The following DUSP16 variants were observed in gnomAD, a reference collection of about 807,000 sequenced individuals.
The protein encoded by DUSP16 is dual specificity phosphatase 16.
Under a neutral mutation model 58.3 loss-of-function variants are expected in DUSP16, and 21 were observed. That is an observed-to-expected ratio of 0.36 (90% CI 0.26 to 0.52). DUSP16 has a LOEUF of 0.52. Among genes scored for constraint, DUSP16 ranks in the 20% least tolerant of loss-of-function variants. The pLI is 0.94. For missense variants in DUSP16, 726 were observed against 819.0 expected (o/e 0.89, Z 1.39); for synonymous variants, 320 against 323.8 (o/e 0.99, Z 0.12).
At chr12:12,506,797 T>C (rs913190541) in intron 3 of DUSP16, among the ~76,000 whole-genome samples, 2 of 152,232 alleles carry the variant, frequency 1.3e-5, no homozygotes, top group African/African-American at 4.8e-5. Flanking sequence ...CAGACCGCAA[T>C]GCTAAAACCC....
intron 1 of DUSP16, among the ~76,000 whole-genome samples, chr12:12,556,849 G>A (rs1249437354): frequency 6.6e-6 from 1 of 152,148 alleles, no homozygotes; most frequent in Non-Finnish European, 1.5e-5. Flanking sequence ...ATGCCATAGG[G>A]ACAAGAGTTG....
chr12:12,560,867 G>C (rs1194496846), intron 1 of DUSP16: 1 of 150,230 alleles, frequency 6.7e-6, no homozygotes, highest in Non-Finnish European at 1.5e-5. Flanking sequence ...CCCATAAGGT[G>C]AGTGGCATAA....
At chr12:12,553,538 T>C (rs934294110) in intron 1 of DUSP16, among the ~76,000 whole-genome samples, 1 of 152,154 alleles carries the variant, frequency 6.6e-6, no homozygotes, top group Non-Finnish European at 1.5e-5. Context: ...ACACTTCTTA[T>C]GATGTTTTGT....
At chr12:12,527,922 T>C (rs992496100) in intron 1 of DUSP16, among the ~76,000 whole-genome samples, 4 of 152,164 alleles carry the variant, frequency 2.6e-5, no homozygotes, top group African/African-American at 7.2e-5. Flanking sequence ...AGATAAAGGC[T>C]GGAATAGCAG....
intron 1 of DUSP16, among the ~76,000 whole-genome samples, chr12:12,543,603 C>G (rs1232880956): frequency 6.6e-6 from 1 of 152,000 alleles, no homozygotes. Flanking sequence ...AAAGAAACAA[C>G]TTCAAAGTTA....
At chr12:12,508,051 G>A (rs1944024618) in intron 3 of DUSP16, among the ~76,000 whole-genome samples, 1 of 152,230 alleles carries the variant, frequency 6.6e-6, no homozygotes, top group Non-Finnish European at 1.5e-5. Context: ...GTAGAGGACA[G>A]TTCTCTCTTC....
intron 1 of DUSP16, among the ~76,000 whole-genome samples, chr12:12,525,728 GTA>G: frequency 9.6e-6 from 1 of 104,298 alleles, no homozygotes; most frequent in African/African-American, 3.4e-5. Context: ...AAAAATATAT[GTA>G]TACACACACA....
intron 5 of DUSP16, among the ~76,000 whole-genome samples, chr12:12,483,061 T>C (rs1943604236): frequency 6.6e-6 from 1 of 152,052 alleles, no homozygotes; most frequent in African/African-American, 2.4e-5. Context: ...GGTTTCTGAA[T>C]AAAGAACGAG....
intron 5 of DUSP16, 145 bp downstream of exon 5, chr12:12,486,883 T>C: frequency 1.1e-6 from 1 of 891,648 alleles, no homozygotes; most frequent in Non-Finnish European, 1.7e-6. Flanking sequence ...ACCAGATGAG[T>C]AAGCTGCACC....
chr12:12,512,350 T>G (rs1944091880), intron 3 of DUSP16, among the ~76,000 whole-genome samples: 1 of 152,204 alleles, frequency 6.6e-6, no homozygotes. Context: ...ACACTTAAGA[T>G]CTACTCTTTC....
At position 12,562,583 on chromosome 12, in the gene DUSP16, G is replaced by C. The variant is rs1944924530; in HGVS notation, c.-832C>G. ...AGGCGGGGGGGTGGGGTGGGGGGTTGGGGGAAAGAGAAAGAGTCGCTGGTC... is the reference window on the plus strand; with the variant it reads ...AGGCGGGGGGGTGGGGTGGGGGGTTCGGGGAAAGAGAAAGAGTCGCTGGTC... On this transcript the variant is annotated 5_prime_UTR_variant, in exon 1 of 7. Transcript: ENST00000298573. Among the ~76,000 whole-genome samples the C allele has an allele frequency of 6.7e-6, 1 of 149,038 alleles. No homozygotes were observed. Among genetic ancestry groups the C allele is most frequent in the African/African-American group, 2.5e-5 (1 of 40,430 alleles).
chr12:12,481,852 A>G lies in DUSP16; in HGVS notation c.692-1506T>C, dbSNP rs529886868. Among the ~76,000 whole-genome samples, 11 of 152,056 alleles carry G rather than the reference A, an allele frequency of 7.2e-5. No homozygotes were observed. The South Asian group carries it at 2.1e-3, about 29-fold the overall frequency. ...TCTCAGCTATCATTTACCCCACGTT[A>G]CTCTCAGTGTTTCCTTCCCTTTCTG... On this transcript the variant is annotated intron_variant, in intron 5 of 6. Transcript: ENST00000298573.
intron 1 of DUSP16, among the ~76,000 whole-genome samples, chr12:12,530,835 T>C (rs1436349837): frequency 2.0e-5 from 3 of 152,152 alleles, no homozygotes; most frequent in Admixed American, 6.5e-5. Flanking sequence ...AAGCAAGATA[T>C]ATGTGTGAAA....
rs144756588 is a variant in DUSP16, at chr12:12,562,384, A to G, written c.-633T>C. The G allele has an allele frequency of 9.7e-3, 1,367 of 140,242 alleles. 14 individuals are homozygous for G. The highest frequency in any genetic ancestry group is 0.023 in the East Asian group (108 of 4,770). 8.7% of individuals were successfully genotyped at this position (140,242 alleles called of 1,614,324 possible). On this transcript the variant is annotated 5_prime_UTR_variant, in exon 1 of 7. Coordinates refer to ENST00000298573, the MANE Select transcript of DUSP16 (RefSeq NM_030640.3). ...AACTTTTCTTCACTCTTTCTCTTCC[A>G]CCCTCCCCCCCATCAGCCTTCAAAA...
chr12:12,500,771 C>T, intron 3 of DUSP16, 89 bp from the exon 4 acceptor site: 1 of 1,239,508 alleles, frequency 8.1e-7, no homozygotes, highest in South Asian at 1.8e-5. Flanking sequence ...CAGTTTAAAC[C>T]CACGAATCCA....
intron 4 of DUSP16, among the ~76,000 whole-genome samples, chr12:12,493,325 G>A (rs893755221): frequency 6.6e-6 from 1 of 152,060 alleles, no homozygotes; most frequent in African/African-American, 2.4e-5. Context: ...TCAATATAGA[G>A]CCCAAATCTC....
At chr12:12,520,691 T>C (rs942507303) in intron 2 of DUSP16, among the ~76,000 whole-genome samples, 180 bp downstream of exon 2, 1 of 152,198 alleles carries the variant, frequency 6.6e-6, no homozygotes, top group African/African-American at 2.4e-5. Context: ...TTTAGAAATA[T>C]TATTAAATGT....
rs201935472 is a variant in DUSP16 at position 12,484,631 on chromosome 12, A to AT, written c.691+2396dup. ...ACCGTAATTTATTTTTTTTATTTTTATTTTTTTTGAGACAAAGTCTCACTC... is the reference window on the plus strand; with the variant it reads ...ACCGTAATTTATTTTTTTTATTTTTATTTTTTTTTGAGACAAAGTCTCACTC... On this transcript the variant is annotated intron_variant, in intron 5 of 6. Coordinates refer to ENST00000298573, the MANE Select transcript of DUSP16 (RefSeq NM_030640.3). Among the ~76,000 whole-genome samples, 835 of 151,706 alleles carry AT rather than the reference A, an allele frequency of 5.5e-3. 8 individuals carry two copies. Among genetic ancestry groups the AT allele is most frequent in the African/African-American group, 0.018 (742 of 41,366 alleles).
At chr12:12,517,877 G>A (rs1944177479) in intron 3 of DUSP16, among the ~76,000 whole-genome samples, 1 of 152,202 alleles carries the variant, frequency 6.6e-6, no homozygotes, top group Admixed American at 6.5e-5. Context: ...GGATGTCAGG[G>A]TGTTCTGACT....
Sources: gnomAD v4.1 joint callset for allele counts (sites outside exome capture counted in the v4.1 genomes callset) on GRCh38, gnomAD v4.1.1 for gene constraint, MANE v1.5 for transcripts, NCBI Gene and HGNC (gene_info 2026-07-23, HGNC 2026-07-21) for gene names.